CDH13: variants seen among roughly 807,000 people sequenced by gnomAD.
CDH13 encodes cadherin 13.
CDH13 carries 24 observed loss-of-function variants against 63.8 expected under a neutral mutation model. The ratio of observed to expected loss-of-function variants is 0.38; its 90% CI spans 0.27 to 0.53. CDH13 has a LOEUF of 0.53. CDH13 is among the 20% of genes least tolerant of loss of function. CDH13 has a pLI of 0.85. For synonymous variants in CDH13, 503 were observed against 355.3 expected (o/e 1.42, Z -4.67); for missense variants, 1,049 against 903.1 (o/e 1.16, Z -2.07).
chr16:83,045,701 A>C (rs1403307497), intron 3 of CDH13, among the ~76,000 whole-genome samples: 1 of 151,316 alleles, frequency 6.6e-6, no homozygotes, highest in African/African-American at 2.4e-5. Flanking sequence ...ATCTCCAATG[A>C]TGAGAAAATA....
At chr16:82,875,810 G>T (rs1371850277) in intron 2 of CDH13, among the ~76,000 whole-genome samples, 2 of 152,150 alleles carry the variant, frequency 1.3e-5, no homozygotes, top group Non-Finnish European at 2.9e-5. Flanking sequence ...AGTTTGCTAG[G>T]TTACATACGA....
At chr16:83,509,446 CT>C (rs919365923) in intron 7 of CDH13, among the ~76,000 whole-genome samples, 1 of 152,152 alleles carries the variant, frequency 6.6e-6, no homozygotes, top group Non-Finnish European at 1.5e-5. Flanking sequence ...TGCAGCTTTA[CT>C]TTTTTGTAGC....
intron 1 of CDH13, among the ~76,000 whole-genome samples, chr16:82,784,807 G>A (rs1236221613): frequency 6.6e-6 from 1 of 152,102 alleles, no homozygotes; most frequent in Non-Finnish European, 1.5e-5. Context: ...ACAGCAGGGT[G>A]GCATTTTAGG....
chr16:83,347,663 A>G (rs1240249768), intron 6 of CDH13, among the ~76,000 whole-genome samples: 1 of 152,190 alleles, frequency 6.6e-6, no homozygotes, highest in Non-Finnish European at 1.5e-5. Context: ...AACATCAAAG[A>G]GGCTCAGGAA....
At chr16:83,314,704 ATACTT>A (rs1196921243) in intron 5 of CDH13, among the ~76,000 whole-genome samples, 1 of 152,200 alleles carries the variant, frequency 6.6e-6, no homozygotes, top group East Asian at 1.9e-4. Flanking sequence ...ATTCTGTACT[ATACTT>A]AATAGGCGAT....
At chr16:83,564,360 G>T (rs1172962700) in intron 7 of CDH13, among the ~76,000 whole-genome samples, 5 of 151,920 alleles carry the variant, frequency 3.3e-5, no homozygotes, top group African/African-American at 1.2e-4. Context: ...AAGGAGGGGA[G>T]GGGCTGCTTC....
At chr16:83,277,259 T>G (rs537687018) in intron 5 of CDH13, among the ~76,000 whole-genome samples, 23 of 152,326 alleles carry the variant, frequency 1.5e-4, no homozygotes, top group African/African-American at 5.1e-4. Context: ...GAAAGTCATC[T>G]ACAAATATGT....
At chr16:82,753,591 T>C (rs895830431) in intron 1 of CDH13, among the ~76,000 whole-genome samples, 4 of 152,154 alleles carry the variant, frequency 2.6e-5, no homozygotes, top group African/African-American at 9.7e-5. Context: ...CAAAAAAAAA[T>C]TCTTTATAGC....
chr16:83,245,287 G>A (rs544911732), intron 5 of CDH13, among the ~76,000 whole-genome samples: 25 of 152,288 alleles, frequency 1.6e-4, no homozygotes, highest in Middle Eastern at 3.4e-3. Context: ...ACCACAAGAA[G>A]TTCTCGTGGG....
chr16:82,960,250 A>T (rs1379927570), intron 2 of CDH13, among the ~76,000 whole-genome samples: 2 of 152,172 alleles, frequency 1.3e-5, no homozygotes, highest in South Asian at 2.1e-4. Flanking sequence ...TATATTGATG[A>T]TATAATTGAC....
chr16:83,421,021 A>G (rs1486431044), intron 6 of CDH13, among the ~76,000 whole-genome samples: 2 of 152,202 alleles, frequency 1.3e-5, no homozygotes, highest in African/African-American at 4.8e-5. Context: ...TCCACCCACA[A>G]TGAGGGTGGG....
chr16:82,835,493 G>A (rs953739670), intron 1 of CDH13, among the ~76,000 whole-genome samples: 12 of 152,184 alleles, frequency 7.9e-5, no homozygotes, highest in Admixed American at 3.3e-4. Context: ...GCTTCCTGGG[G>A]AAAGTGAATT....
intron 3 of CDH13, among the ~76,000 whole-genome samples, chr16:83,040,097 A>G (rs913687124): frequency 6.6e-6 from 1 of 151,708 alleles, no homozygotes. Flanking sequence ...CAGCACACTA[A>G]GATCACTCTG....
At chr16:83,164,338 T>C (rs974501300) in intron 4 of CDH13, among the ~76,000 whole-genome samples, 1 of 151,634 alleles carries the variant, frequency 6.6e-6, no homozygotes, top group Non-Finnish European at 1.5e-5. Context: ...ACACCACACA[T>C]CACATACCAC....
intron 3 of CDH13, among the ~76,000 whole-genome samples, chr16:83,037,884 C>T (rs1200324766): frequency 6.6e-6 from 1 of 152,136 alleles, no homozygotes; most frequent in African/African-American, 2.4e-5. Context: ...CAGAGTTGTT[C>T]TCCTGGGCAT....
chr16:82,758,225 G>A (rs932085155), intron 1 of CDH13, among the ~76,000 whole-genome samples: 2 of 151,588 alleles, frequency 1.3e-5, no homozygotes, highest in East Asian at 1.9e-4. Context: ...TGAGCTATGA[G>A]AAAAAAAAGG....
intron 8 of CDH13, among the ~76,000 whole-genome samples, chr16:83,667,418 A>G (rs991625505): frequency 2.0e-5 from 3 of 151,662 alleles, no homozygotes; most frequent in South Asian, 2.1e-4. Flanking sequence ...CCACCTACCC[A>G]TCCATCCATC....
chr16:83,328,816 C>T (rs190991603), intron 5 of CDH13, among the ~76,000 whole-genome samples: 27 of 152,150 alleles, frequency 1.8e-4, no homozygotes, highest in African/African-American at 4.8e-4. Context: ...CTCACAAAGA[C>T]AGTATCTTAG....
chr16:83,665,063 G>A lies in CDH13; in HGVS notation c.1102-5727G>A, dbSNP rs76253761. Among the ~76,000 whole-genome samples, 552 of 152,160 alleles carry A rather than the reference G, an allele frequency of 3.6e-3. 7 individuals are homozygous for A. Among genetic ancestry groups the A allele is most frequent in the African/African-American group, 0.012 (492 of 41,504 alleles). On this transcript the variant is annotated intron_variant, in intron 8 of 13. Coordinates refer to ENST00000567109, the MANE Select transcript of CDH13 (RefSeq NM_001257.5). ...AGAAGAAAACCAGATATCTAATGCC[G>A]CTTTCCCTTCCAAATGTGGACATGA... is the stretch of plus-strand genomic sequence containing the variant.
Sources: gnomAD v4.1 joint callset for allele counts (sites outside exome capture counted in the v4.1 genomes callset) on GRCh38, gnomAD v4.1.1 for gene constraint, MANE v1.5 for transcripts, NCBI Gene and HGNC (gene_info 2026-07-23, HGNC 2026-07-21) for gene names.